The following WDR87 variants were observed in gnomAD, a reference collection of about 807,000 sequenced individuals.
WDR87 encodes the protein WD repeat-containing protein 87.
A neutral mutation model predicts 83.3 loss-of-function variants in WDR87; 56 were observed. That is an observed-to-expected ratio of 0.67 (90% CI 0.54 to 0.84). The LOEUF (loss-of-function observed/expected upper bound fraction) is 0.84, where lower values mean the gene tolerates loss of function less well. Among genes scored for constraint, WDR87 ranks in the 40% least tolerant of loss-of-function variants. The pLI is 0.00. For synonymous variants in WDR87, 1,173 were observed against 1,250.6 expected, an observed-to-expected ratio of 0.94 and a Z score of 1.31; for missense variants, 2,939 against 3,431.9, an observed-to-expected ratio of 0.86 and a Z score of 3.59.
At position 37,886,039 on chromosome 19, in the gene WDR87, CTG is replaced by C. The variant is rs910747856; in HGVS notation, c.7630_7631del (p.Gln2544ValfsTer9). ...HPPLMGQTEV[Q>X]LPLSQIPAKE... ...TAGCTGGGATTTGGGAGAGAGGTAA[CTG>C]TACCTCAGTCTGTCCCATCAGAGGT... On this transcript the variant is annotated frameshift_variant, in exon 6 of 6. Coordinates refer to ENST00000447313, the MANE Select transcript of WDR87 (RefSeq NM_001291088.2). LOFTEE classifies it low-confidence loss of function (END_TRUNC). 1.0e-5 allele frequency: 16 copies of C among 1,551,608 alleles called. No homozygotes were observed. In the African/African-American group the frequency reaches 1.9e-4, roughly 19 times the overall value.
At chr19:37,897,184 A>G (rs1050347892) in intron 2 of WDR87, among the ~76,000 whole-genome samples, 1 of 150,382 alleles carries the variant, frequency 6.6e-6, no homozygotes, top group Non-Finnish European at 1.5e-5. Flanking sequence ...ATGTGCTATG[A>G]AACATGCATC....
At chr19:37,904,312 C>T (rs2046310235) in intron 1 of WDR87, among the ~76,000 whole-genome samples, 1 of 151,858 alleles carries the variant, frequency 6.6e-6, no homozygotes, top group African/African-American at 2.4e-5. Context: ...TTCTGTTTCC[C>T]CTTCCCAGAA....
Position 37,886,342 on chromosome 19 carries a change from T to G in WDR87, c.7329A>C (p.Thr2443=), listed in dbSNP as rs201518703. The part of the protein sequence containing the change: ...MSTALEMKEK[T]PVPVPEKQIS... Reference sequence around the variant, plus strand: ...TTTGTTTCTCCGGCACTGGCACTGGTGTTTTCTCTTTCATCTCCAGAGCTG... The same window carrying G: ...TTTGTTTCTCCGGCACTGGCACTGGGGTTTTCTCTTTCATCTCCAGAGCTG... Residue 2443 remains threonine, a synonymous_variant, in exon 6 of 6, where the codon ACA becomes ACC. Transcript: ENST00000447313. The G allele has an allele frequency of 6.4e-7, 1 of 1,551,546 alleles. No individual in the cohort carries two copies. Among genetic ancestry groups the G allele is most frequent in the Non-Finnish European group, 8.7e-7 (1 of 1,146,974 alleles).
Position 37,891,611 on chromosome 19 carries a change from T to G in WDR87, c.3335A>C (p.Glu1112Ala). ...LKPPTVSEESEVAIKPSKGQR... is the reference protein window; with the variant it reads ...LKPPTVSEESAVAIKPSKGQR... ...GCCTTTGCTGGGCTTGATGGCCACT[T>G]CAGATTCTTCAGAAACTGTAGGAGG... Residue 1112 changes from glutamate (E) to alanine (A), a missense_variant, in exon 5 of 6, where the codon GAA (glutamate) becomes GCA (alanine). By Grantham distance (107) the Glu-to-Ala change is moderately radical (BLOSUM62 -1). Transcript: ENST00000447313. 1 of 1,552,016 alleles carries G rather than the reference T, an allele frequency of 6.4e-7. No homozygotes were observed. The highest frequency in any genetic ancestry group is 8.7e-7 in the Non-Finnish European group (1 of 1,147,048).
At position 37,889,014 on chromosome 19, in the gene WDR87, TG is replaced by T. The variant is rs1307930574; in HGVS notation, c.4656del (p.Asp1552GlufsTer4). The T allele has an allele frequency of 6.4e-7, 1 of 1,552,122 alleles. No homozygotes were observed. Reference protein sequence around the residue: ...LSPEEEMLQEDKKLKWEEWKQ... With the variant: ...LSPEEEMLQEXKKLKWEEWKQ... ...TTCCACTCCTCCCATTTCAGCTTCT[TG>T]TCCTCCTGAAGCATTTCCTCCTCCG... On this transcript the variant is annotated frameshift_variant, in exon 6 of 6. Coordinates refer to ENST00000447313, the MANE Select transcript of WDR87 (RefSeq NM_001291088.2). LOFTEE classifies it low-confidence loss of function (END_TRUNC).
chr19:37,897,350 A>G (rs2145438075), intron 2 of WDR87, among the ~76,000 whole-genome samples: 1 of 151,852 alleles, frequency 6.6e-6, no homozygotes, highest in South Asian at 2.1e-4. Flanking sequence ...CTGAAACTAC[A>G]GGCACGGGCT....
At chr19:37,895,604 C>T in intron 3 of WDR87, 148 bp from the exon 4 acceptor site, 1 of 693,710 alleles carries the variant, frequency 1.4e-6, no homozygotes, top group Non-Finnish European at 2.3e-6. Flanking sequence ...CCCATCTCTA[C>T]TAAAAATACA....
chr19:37,897,490 A>G (rs1394456000), intron 2 of WDR87, among the ~76,000 whole-genome samples: 13 of 152,032 alleles, frequency 8.6e-5, no homozygotes, highest in Admixed American at 8.5e-4. Context: ...CATTACAGGC[A>G]TAAGCCACCA....
Position 37,892,733 on chromosome 19 carries a change from A to C in WDR87, c.2970T>G (p.Ile990Met), listed in dbSNP as rs773247581. The C allele has an allele frequency of 1.2e-5, 18 of 1,551,664 alleles. No individual in the cohort carries two copies. The African/African-American group carries it at 2.1e-4, about 18-fold the overall frequency. ...AWEGLKRLGMITHLFAMPLAQ... is the reference protein window; with the variant it reads ...AWEGLKRLGMMTHLFAMPLAQ... ...CCAGAGGCATGGCAAAAAGATGAGT[A>C]ATCATTCCTAGACGCTTCAGCCCTT... Residue 990 changes from isoleucine to methionine, a missense_variant, in exon 4 of 6, where the codon ATT becomes ATG. By Grantham distance (10) the Ile-to-Met change is conservative. Transcript: ENST00000447313.
chr19:37,895,477 A>T (rs1417156986), intron 3 of WDR87, 21 bp from the exon 4 acceptor site: 2 of 1,543,332 alleles, frequency 1.3e-6, no homozygotes, highest in Admixed American at 4.0e-5. Flanking sequence ...ATAAGAAGGA[A>T]ACTGCCTAGG....
In WDR87 at chr19:37,887,966, T is replaced by C. The variant is rs376637713; in HGVS notation, c.5705A>G (p.Asn1902Ser). The stretch of plus-strand genomic sequence containing the variant: ...TTTGCTGTGGGTGAGTCTTTCTTTA[T>C]TATAGAGTAGGTTCTCTTTCCTCTG... ...LAQRKENLLYNKERLTHSKKQ... is the reference protein window; with the variant it reads ...LAQRKENLLYSKERLTHSKKQ... The change falls in exon 6 of 6, where the codon AAT becomes AGT. Residue 1902 changes from asparagine to serine, a missense_variant. Transcript: ENST00000447313. The C allele has an allele frequency of 6.4e-6, 10 of 1,550,708 alleles. No homozygotes were observed. In the African/African-American group the frequency reaches 8.2e-5, roughly 13 times the overall value.
chr19:37,892,944 C>T lies in WDR87; in HGVS notation c.2759G>A (p.Ser920Asn), dbSNP rs1240289611. 2 of 1,552,052 alleles carry T rather than the reference C, an allele frequency of 1.3e-6. No homozygotes were observed. Among genetic ancestry groups the T allele is most frequent in the Admixed American group, 3.9e-5 (2 of 51,012 alleles). The change falls in exon 4 of 6, where the codon AGC (serine) becomes AAC (asparagine). Residue 920 changes from serine (S) to asparagine (N), a missense_variant. Ser to Asn is a conservative substitution (Grantham distance 46). Coordinates refer to ENST00000447313, the MANE Select transcript of WDR87 (RefSeq NM_001291088.2). The part of the protein sequence containing the change: ...GRKMSEITIN[S>N]MIETMLNIMV... ...AATATTGAGCATTGTCTCAATCATG[C>T]TATTAATGGTTATTTCACTCATCTT...
At position 37,892,784 on chromosome 19, in the gene WDR87, G is replaced by T. The variant is rs1260112499; in HGVS notation, c.2919C>A (p.Asn973Lys). The T allele has an allele frequency of 2.6e-6, 4 of 1,551,594 alleles. No homozygotes were observed. The highest frequency in any genetic ancestry group is 2.0e-5 in the Admixed American group (1 of 50,990). ...RRLLNDTTNS[N>K]PLIRELAWEG... ...CCCAAGCTAGTTCTCGGATCAGCGGGTTGGAATTGGTTGTATCATTCAGTA... is the reference window on the plus strand; with the variant it reads ...CCCAAGCTAGTTCTCGGATCAGCGGTTTGGAATTGGTTGTATCATTCAGTA... The change falls in exon 4 of 6, where the codon AAC (asparagine) becomes AAA (lysine). Residue 973 changes from asparagine to lysine, a missense_variant. Asn to Lys is a moderately conservative substitution (Grantham distance 94, BLOSUM62 0). Around this residue, in one of 3 missense-constraint regions of WDR87, gnomAD observed 2,160 missense variants for 2,533.1 expected, o/e 0.85. Transcript: ENST00000447313.
In WDR87 at chr19:37,886,470, C is replaced by T; in HGVS notation, c.7201G>A (p.Gly2401Arg). Residue 2401 changes from glycine to arginine, a missense_variant, in exon 6 of 6, where the codon GGA (glycine) becomes AGA (arginine). Coordinates refer to ENST00000447313, the MANE Select transcript of WDR87 (RefSeq NM_001291088.2). ...AAAATGGAAAGGACTCTTTCCCTTC[C>T]TCTTAGGCTCTTTCTTCTTTGTTCT... Reference protein sequence around the residue: ...LQEQRRKSLRGRERVLSILRG... With the variant: ...LQEQRRKSLRRRERVLSILRG... 1 of 1,521,778 alleles carries T rather than the reference C, an allele frequency of 6.6e-7. No individual in the cohort carries two copies. The highest frequency in any genetic ancestry group is 8.8e-7 in the Non-Finnish European group (1 of 1,139,282). 94.3% of individuals were successfully genotyped at this position (1,521,778 alleles called of 1,614,324 possible). A position where few individuals can be genotyped will look rare whatever the true frequency, so the allele number is the denominator to read the frequency against.
At chr19:37,896,352 G>T (rs1454716100) in intron 2 of WDR87, 44 bp from the exon 3 acceptor site, 1 of 1,534,288 alleles carries the variant, frequency 6.5e-7, no homozygotes. Context: ...GGGCACAGAG[G>T]CACTAAATAT....
At position 37,892,764 on chromosome 19, in the gene WDR87, G is replaced by A. The variant is rs1177983179; in HGVS notation, c.2939C>T (p.Ala980Val). 1.9e-6 allele frequency: 3 copies of A among 1,551,594 alleles called. No individual in the cohort carries two copies. The highest frequency in any genetic ancestry group is 2.6e-6 in the Non-Finnish European group (3 of 1,146,984). Residue 980 changes from alanine to valine, a missense_variant, in exon 4 of 6, where the codon GCT becomes GTT. Ala to Val is a moderately conservative substitution (Grantham distance 64). This residue lies in a region of WDR87 where 2,160 missense variants were observed against 2,533.1 expected (regional missense o/e 0.85). Coordinates refer to ENST00000447313, the MANE Select transcript of WDR87 (RefSeq NM_001291088.2). Reference protein sequence around the residue: ...TNSNPLIRELAWEGLKRLGMI... With the variant: ...TNSNPLIRELVWEGLKRLGMI... ...TCCTAGACGCTTCAGCCCTTCCCAA[G>A]CTAGTTCTCGGATCAGCGGGTTGGA...
In WDR87 at chr19:37,891,845, G is replaced by A. The variant is rs766964635; in HGVS notation, c.3126-25C>T. 2.1e-4 allele frequency: 325 copies of A among 1,547,702 alleles called. 2 individuals carry two copies. Among genetic ancestry groups the A allele is most frequent in the Middle Eastern group, 1.7e-3 (10 of 5,800 alleles). Reference sequence around the variant, plus strand: ...CCTATGAAAGTCAAAGGAGAAGAAGGACTATGCTGAGTCAGGAACAAAAGG... The same window carrying A: ...CCTATGAAAGTCAAAGGAGAAGAAGAACTATGCTGAGTCAGGAACAAAAGG... On this transcript the variant is annotated intron_variant, in intron 4 of 5. Transcript: ENST00000447313.
rs529492107 is a variant in WDR87, at chr19:37,904,092, C to T, written c.-47+2407G>A. 8.6e-5 allele frequency among the ~76,000 whole-genome samples: 13 copies of T among 151,604 alleles called. No individual in the cohort carries two copies. The East Asian group carries it at 2.2e-3, about 25-fold the overall frequency. On this transcript the variant is annotated intron_variant, in intron 1 of 5. Coordinates refer to ENST00000447313, the MANE Select transcript of WDR87 (RefSeq NM_001291088.2). Reference sequence around the variant, plus strand: ...TAATTTTTTGTATTTTTAATAGAGACGGGGTTTCACCATGTTAGCCTCGAT... The same window carrying T: ...TAATTTTTTGTATTTTTAATAGAGATGGGGTTTCACCATGTTAGCCTCGAT...
Position 37,887,547 on chromosome 19 carries a change from G to T in WDR87, c.6124C>A (p.Gln2042Lys), listed in dbSNP as rs2046160357. 2 of 1,551,666 alleles carry T rather than the reference G, an allele frequency of 1.3e-6. No individual in the cohort carries two copies. The highest frequency in any genetic ancestry group is 2.7e-5 in the African/African-American group (2 of 73,024). ...SRQRKMTQVE[Q>K]ELFERKLSLE... is the part of the protein sequence containing the mutation. ...GACAATTTTCTCTCAAATAGTTCTT[G>T]TTCAACTTGAGTCATTTTCCTTTGT... Residue 2042 changes from glutamine (Q) to lysine (K), a missense_variant, in exon 6 of 6, where the codon CAA becomes AAA. Physicochemically the swap from Gln to Lys is moderately conservative, Grantham distance 53. This residue lies in a region of WDR87 where 2,160 missense variants were observed against 2,533.1 expected (regional missense o/e 0.85). Transcript: ENST00000447313.
Sources: allele counts gnomAD v4.1 joint callset (sites outside exome capture counted in the v4.1 genomes callset), GRCh38; gene constraint gnomAD v4.1.1; regional missense constraint gnomAD v4.1.1; transcripts MANE v1.5; gene names NCBI Gene and HGNC (gene_info 2026-07-23, HGNC 2026-07-21).